The following TULP4 variants were observed in gnomAD, a reference collection of about 807,000 sequenced individuals.
TULP4 encodes TUB like protein 4.
TULP4 carries 16 observed loss-of-function variants against 129.0 expected under a neutral mutation model. That is an observed-to-expected ratio of 0.12 (90% CI 0.08 to 0.19). TULP4 has a LOEUF of 0.19. Among genes scored for constraint, TULP4 ranks in the 10% least tolerant of loss-of-function variants. The pLI, the probability that TULP4 is intolerant of heterozygous loss-of-function variation, is 1.00. For synonymous variants in TULP4, 998 were observed against 854.0 expected (o/e 1.17, Z -2.94); for missense variants, 1,842 against 2,059.1 (o/e 0.89, Z 2.04).
chr6:158,350,058 G>A (rs1780468343), intron 1 of TULP4, among the ~76,000 whole-genome samples: 1 of 149,876 alleles, frequency 6.7e-6, no homozygotes, highest in Non-Finnish European at 1.5e-5. Flanking sequence ...CCCAGACGGG[G>A]CAGCCGGGCA....
At chr6:158,320,628 T>C (rs762480663) in intron 1 of TULP4, among the ~76,000 whole-genome samples, 2 of 152,048 alleles carry the variant, frequency 1.3e-5, no homozygotes, top group Admixed American at 6.6e-5. Flanking sequence ...AACGGGATTT[T>C]GCCATGTTGA....
intron 1 of TULP4, among the ~76,000 whole-genome samples, chr6:158,297,966 A>C (rs1366285836): frequency 2.0e-5 from 3 of 152,112 alleles, no homozygotes; most frequent in Non-Finnish European, 4.4e-5. Flanking sequence ...ACATTCCCAG[A>C]GCGGCCGTTT....
chr6:158,386,820 CA>C (rs1463893092), intron 1 of TULP4, among the ~76,000 whole-genome samples: 1 of 152,130 alleles, frequency 6.6e-6, no homozygotes, highest in African/African-American at 2.4e-5. Context: ...GCTTCTATCT[CA>C]TAAGGTAATT....
intron 13 of TULP4, 123 bp from the exon 14 acceptor site, chr6:158,506,455 T>C: frequency 1.4e-6 from 1 of 737,330 alleles, no homozygotes; most frequent in Non-Finnish European, 2.5e-6. Flanking sequence ...GTGGTCTCTA[T>C]CTCCTGACGT....
intron 3 of TULP4, among the ~76,000 whole-genome samples, chr6:158,436,774 A>G (rs970828481): frequency 2.6e-5 from 4 of 152,242 alleles, no homozygotes; most frequent in Non-Finnish European, 5.9e-5. Flanking sequence ...TTAAATAGTC[A>G]CCATGGTAAA....
intron 6 of TULP4, among the ~76,000 whole-genome samples, chr6:158,472,295 A>G (rs1335531350): frequency 2.0e-5 from 3 of 152,216 alleles, no homozygotes; most frequent in African/African-American, 7.2e-5. Flanking sequence ...CAGCCATCAC[A>G]TGAAAGTAAC....
Position 158,481,102 on chromosome 6 carries a change from A to G in TULP4, c.1299A>G (p.Pro433=). The G allele has an allele frequency of 6.3e-7, 1 of 1,599,394 alleles. No individual in the cohort carries two copies. The highest frequency in any genetic ancestry group is 1.7e-4 in the Middle Eastern group (1 of 6,008). The part of the protein sequence containing the change: ...PNNMRDFVSY[P]SAGNERLHCT... ...ACATGAGAGACTTTGTCAGCTACCC[A>G]TCAGCCGGCAACGAGCGGCTGCACT... The change falls in exon 8 of 14, where the codon CCA becomes CCG. Residue 433 remains proline, a synonymous_variant. Coordinates refer to ENST00000367097, the MANE Select transcript of TULP4 (RefSeq NM_020245.5).
chr6:158,429,939 A>T (rs1157144435), intron 3 of TULP4, 42 bp downstream of exon 3: 2 of 1,590,996 alleles, frequency 1.3e-6, no homozygotes, highest in Non-Finnish European at 1.7e-6. Flanking sequence ...CGTTAAAACC[A>T]TGAGGGCTGG....
At chr6:158,272,078 T>C (rs1778561864) in intron 1 of TULP4, among the ~76,000 whole-genome samples, 2 of 152,204 alleles carry the variant, frequency 1.3e-5, no homozygotes, top group South Asian at 4.1e-4. Flanking sequence ...CCACAGTTGC[T>C]GAGCATACAC....
At chr6:158,398,234 C>T (rs934696494) in intron 1 of TULP4, among the ~76,000 whole-genome samples, 1 of 152,146 alleles carries the variant, frequency 6.6e-6, no homozygotes, top group African/African-American at 2.4e-5. Flanking sequence ...CCTCTTTCAG[C>T]GGGTACTGTG....
At chr6:158,354,957 A>G (rs537764696) in intron 1 of TULP4, among the ~76,000 whole-genome samples, 1 of 151,840 alleles carries the variant, frequency 6.6e-6, no homozygotes, top group Admixed American at 6.6e-5. Flanking sequence ...AATAATTGCC[A>G]TACAGGAAAA....
At chr6:158,361,298 TAGC>T (rs879800381) in intron 1 of TULP4, among the ~76,000 whole-genome samples, 10 of 152,232 alleles carry the variant, frequency 6.6e-5, no homozygotes, top group Non-Finnish European at 1.5e-4. Flanking sequence ...CTGTTCCTGT[TAGC>T]AGTACCTCCA....
chr6:158,323,203 C>T (rs929769117), intron 1 of TULP4, among the ~76,000 whole-genome samples: 16 of 152,042 alleles, frequency 1.1e-4, no homozygotes, highest in African/African-American at 3.6e-4. Flanking sequence ...ATGTTCTGTG[C>T]GCCTTTTGAC....
At chr6:158,406,345 C>G (rs940618155) in intron 1 of TULP4, among the ~76,000 whole-genome samples, 8 of 152,194 alleles carry the variant, frequency 5.3e-5, no homozygotes, top group African/African-American at 1.9e-4. Flanking sequence ...CTAATAACTA[C>G]TAGATACACC....
At chr6:158,287,483 A>G (rs1778852639) in intron 1 of TULP4, among the ~76,000 whole-genome samples, 1 of 152,218 alleles carries the variant, frequency 6.6e-6, no homozygotes. Context: ...TTTGCTTGCT[A>G]GATGTCTTGA....
chr6:158,378,468 T>TTTTTTG (rs1777244483), intron 1 of TULP4, among the ~76,000 whole-genome samples: 1 of 72,982 alleles, frequency 1.4e-5, no homozygotes, highest in Non-Finnish European at 3.6e-5. Flanking sequence ...AGCCAGTTTT[T>TTTTTTG]TTTTTTTTTT....
intron 1 of TULP4, among the ~76,000 whole-genome samples, chr6:158,253,003 A>G (rs956685726): frequency 6.6e-5 from 10 of 152,208 alleles, no homozygotes; most frequent in African/African-American, 2.2e-4. Context: ...TGCTCCATGA[A>G]GCTTACGCGT....
At chr6:158,241,098 C>A (rs1371111614) in intron 1 of TULP4, among the ~76,000 whole-genome samples, 1 of 139,852 alleles carries the variant, frequency 7.2e-6, no homozygotes, top group African/African-American at 2.5e-5. Context: ...GCGCTCCTCA[C>A]GTCCCAGAGG....
In TULP4 at chr6:158,329,571, A is replaced by G. The variant is rs540868367; in HGVS notation, c.252+15303A>G. Among the ~76,000 whole-genome samples, 3 of 152,278 alleles carry G rather than the reference A, an allele frequency of 2.0e-5. No homozygotes were observed. In the South Asian group the frequency reaches 6.2e-4, roughly 32 times the overall value. On this transcript the variant is annotated intron_variant, in intron 1 of 13. Coordinates refer to ENST00000367097, the MANE Select transcript of TULP4 (RefSeq NM_020245.5). ...TAAATGTTTGATGGCTTTGTTTAAAAAGGCAGTATGAGTTAATGTTTAGGA... is the reference window on the plus strand; with the variant it reads ...TAAATGTTTGATGGCTTTGTTTAAAGAGGCAGTATGAGTTAATGTTTAGGA...
Sources: gnomAD v4.1 joint callset for allele counts (sites outside exome capture counted in the v4.1 genomes callset) on GRCh38, gnomAD v4.1.1 for gene constraint, MANE v1.5 for transcripts, NCBI Gene and HGNC (gene_info 2026-07-23, HGNC 2026-07-21) for gene names.